TENM1: variants seen among roughly 807,000 people sequenced by gnomAD.
The protein encoded by TENM1 is teneurin transmembrane protein 1.
TENM1 carries 35 observed loss-of-function variants against 174.8 expected under a neutral mutation model. That is an observed-to-expected ratio of 0.20 (90% CI 0.15 to 0.27). The LOEUF (loss-of-function observed/expected upper bound fraction) is 0.27. Ranked by LOEUF, TENM1 falls within the 10% of genes least tolerant of loss-of-function variation. TENM1 has a pLI of 1.00. For synonymous variants in TENM1, 781 were observed against 798.7 expected (o/e 0.98, Z 0.37); for missense variants, 1,633 against 2,130.1 (o/e 0.77, Z 4.59).
chrX:124,763,847 C>T (rs977295125), intron 3 of TENM1, among the ~76,000 whole-genome samples: 2 of 111,818 alleles, frequency 1.8e-5, no homozygotes, highest in African/African-American at 3.2e-5. Context: ...ACCTTTCTAT[C>T]CCAGAACAGA....
the TENM1 span, among the ~76,000 whole-genome samples, chrX:125,133,617 T>C: frequency 9.0e-6 from 1 of 111,256 alleles, no homozygotes. Flanking sequence ...AAGGTTTATG[T>C]TTGGCTTTAT....
chrX:125,200,399 C>A, the TENM1 span, among the ~76,000 whole-genome samples: 1 of 110,810 alleles, frequency 9.0e-6, no homozygotes, highest in Non-Finnish European at 1.9e-5. Flanking sequence ...TGCTGTTGGT[C>A]ACAATTGCTA....
chrX:124,945,188 C>A, intron 1 of TENM1, among the ~76,000 whole-genome samples: 1 of 111,716 alleles, frequency 9.0e-6, no homozygotes, highest in Non-Finnish European at 1.9e-5. Flanking sequence ...AGGTAGATAT[C>A]AAGGGAAAGA....
chrX:124,475,903 C>G (rs774046859), intron 22 of TENM1, among the ~76,000 whole-genome samples: 1 of 111,760 alleles, frequency 8.9e-6, no homozygotes. Context: ...CCTTTTCTTG[C>G]TTCTGCCCCC....
chrX:124,829,400 G>T (rs2056240055), intron 3 of TENM1, among the ~76,000 whole-genome samples: 2 of 112,319 alleles, frequency 1.8e-5, no homozygotes, highest in African/African-American at 6.5e-5. Context: ...ATTTAGTGCT[G>T]ATGAAAGATG....
intron 1 of TENM1, among the ~76,000 whole-genome samples, chrX:124,954,046 T>C (rs1489867764): frequency 1.8e-5 from 2 of 112,155 alleles, no homozygotes; most frequent in African/African-American, 6.5e-5. Flanking sequence ...CTAAAGAATG[T>C]CCACAAAGAG....
chrX:124,584,333 T>A (rs899751088), intron 11 of TENM1, among the ~76,000 whole-genome samples: 1 of 110,208 alleles, frequency 9.1e-6, no homozygotes, highest in Admixed American at 9.6e-5. Flanking sequence ...TAACAGCGGA[T>A]CTCTCGGCAG....
At chrX:125,155,471 C>G in the TENM1 span, among the ~76,000 whole-genome samples, 1 of 111,081 alleles carries the variant, frequency 9.0e-6, no homozygotes, top group Admixed American at 9.5e-5. Flanking sequence ...TGCGCCCACA[C>G]TCCTCAGCCC....
intron 23 of TENM1, among the ~76,000 whole-genome samples, chrX:124,424,607 C>T (rs1339514165): frequency 2.7e-5 from 3 of 111,393 alleles, no homozygotes; most frequent in Admixed American, 1.9e-4. Context: ...TTTCACTTAA[C>T]GTAGTGTCTG....
At chrX:124,723,049 G>A (rs2053353450) in intron 4 of TENM1, among the ~76,000 whole-genome samples, 1 of 110,613 alleles carries the variant, frequency 9.0e-6, no homozygotes, top group Admixed American at 9.7e-5. Context: ...CTATCCTGAT[G>A]TCTAGTGTAT....
At chrX:124,442,650 G>A (rs2060915812) in intron 23 of TENM1, among the ~76,000 whole-genome samples, 1 of 111,597 alleles carries the variant, frequency 9.0e-6, no homozygotes, top group Non-Finnish European at 1.9e-5. Flanking sequence ...GGAAAAGAAG[G>A]TGCCTTTTCT....
At chrX:124,385,909 G>C (rs1326314414) in exon 29 of TENM1, 2 of 1,210,210 alleles carry the variant, frequency 1.7e-6, no homozygotes, top group Admixed American at 4.3e-5. Context: ...AAGTGCTACT[G>C]TCCGGTGGGG....
chrX:124,932,271 T>C (rs893957039), intron 1 of TENM1, among the ~76,000 whole-genome samples: 1 of 112,062 alleles, frequency 8.9e-6, no homozygotes, highest in Non-Finnish European at 1.9e-5. Context: ...ATGCAACTAA[T>C]TGAGGCAGTG....
chrX:124,519,080 T>G (rs989144057), intron 18 of TENM1, among the ~76,000 whole-genome samples: 1 of 111,739 alleles, frequency 8.9e-6, no homozygotes, highest in African/African-American at 3.3e-5. Context: ...AAGTCAGTCT[T>G]AAGTATGGCT....
Position 124,904,695 on chromosome X carries a change from G to T in TENM1, c.218-8454C>A, listed in dbSNP as rs768988895. Among the ~76,000 whole-genome samples, 5 of 112,136 alleles carry T rather than the reference G, an allele frequency of 4.5e-5. No homozygotes were observed. In the South Asian group the frequency reaches 1.9e-3, roughly 42 times the overall value. On this transcript the variant is annotated intron_variant, in intron 1 of 31. Transcript: ENST00000422452. ...TCAGTATCATCTTCTGACTGAAATA[G>T]TCACACAAAGGAAGCTTTCTACACT...
chrX:124,810,277 T>C (rs1381799552), intron 3 of TENM1, among the ~76,000 whole-genome samples: 5 of 111,759 alleles, frequency 4.5e-5, no homozygotes, highest in Non-Finnish European at 3.8e-5. Flanking sequence ...GTTATGTTGT[T>C]CCTGTTTGTA....
chrX:124,532,547 C>T (rs1388296628), intron 15 of TENM1, among the ~76,000 whole-genome samples: 2 of 111,551 alleles, frequency 1.8e-5, no homozygotes, highest in Admixed American at 9.5e-5. Context: ...ATGAAGCACA[C>T]ATATTTGTGT....
the TENM1 span, among the ~76,000 whole-genome samples, chrX:125,066,689 G>C: frequency 9.0e-6 from 1 of 111,293 alleles, no homozygotes; most frequent in Non-Finnish European, 1.9e-5. Context: ...TTTTTTCAAA[G>C]TTTATAACAA....
chrX:124,919,815 AAT>A (rs1246735242), intron 1 of TENM1, among the ~76,000 whole-genome samples: 1 of 111,678 alleles, frequency 9.0e-6, no homozygotes, highest in Non-Finnish European at 1.9e-5. Flanking sequence ...GGATTTAATC[AAT>A]GAGGGTAGCT....
Sources: allele counts gnomAD v4.1 joint callset (sites outside exome capture counted in the v4.1 genomes callset), GRCh38; gene constraint gnomAD v4.1.1; transcripts MANE v1.5; gene names NCBI Gene and HGNC (gene_info 2026-07-23, HGNC 2026-07-21).